The following HTT variants were observed in gnomAD, a reference collection of about 807,000 sequenced individuals.
HTT encodes huntingtin, also known as huntington disease protein.
In HTT, 104 loss-of-function variants were observed where a neutral mutation model predicts 362.3. The ratio of observed to expected loss-of-function variants is 0.29; its 90% confidence interval spans 0.24 to 0.34. The LOEUF is 0.34. Ranked by LOEUF, HTT falls within the 10% of genes least tolerant of loss-of-function variation. The probability of loss-of-function intolerance (pLI) is 1.00; values close to 1 mark genes in which losing one functional copy is unlikely to be tolerated. For missense variants in HTT, 3,301 were observed against 3,928.6 expected (o/e 0.84, Z 4.27); for synonymous variants, 1,577 against 1,548.7 (o/e 1.02, Z -0.43).
At chr4:3,089,356 CT>C (rs1713382554) in intron 2 of HTT, among the ~76,000 whole-genome samples, 1 of 152,136 alleles carries the variant, frequency 6.6e-6, no homozygotes, top group African/African-American at 2.4e-5. Flanking sequence ...CGGGTTCACG[CT>C]ATTCTCCTGC....
intron 2 of HTT, among the ~76,000 whole-genome samples, chr4:3,093,905 G>GTTTTTTTT (rs67455911): frequency 3.8e-4 from 9 of 23,900 alleles, no homozygotes; most frequent in Non-Finnish European, 5.0e-4. Flanking sequence ...CTTTAAGTTG[G>GTTTTTTTT]TTTTTTTTTT....
chr4:3,101,905 T>C (rs1714175815), intron 3 of HTT, among the ~76,000 whole-genome samples: 1 of 152,128 alleles, frequency 6.6e-6, no homozygotes, highest in Middle Eastern at 3.2e-3. Flanking sequence ...AAAGAGTAGA[T>C]TGGAGACCTT....
At chr4:3,127,150 T>C (rs1455014476) in intron 11 of HTT, 114 bp from the exon 12 acceptor site, 5 of 738,404 alleles carry the variant, frequency 6.8e-6, no homozygotes, top group Non-Finnish European at 9.3e-6. Context: ...TTCAGGATGC[T>C]GTGCAGCTGA....
chr4:3,148,164 G>A lies in HTT; in HGVS notation c.3455G>A (p.Cys1152Tyr). 1 of 1,609,576 alleles carries A rather than the reference G, an allele frequency of 6.2e-7. No homozygotes were observed. The highest frequency in any genetic ancestry group is 8.5e-7 in the Non-Finnish European group (1 of 1,177,842). The stretch of plus-strand genomic sequence containing the variant: ...CACCTGCTGAAGGTGATTAACATTT[G>A]TGCCCACGTCCTGGATGACGTGGCT... ...FSHLLKVINI[C>Y]AHVLDDVAPG... The change falls in exon 26 of 67, where the codon TGT becomes TAT. Residue 1152 changes from cysteine (C) to tyrosine (Y), a missense_variant. This residue lies in a region of HTT where 2,316 missense variants were observed against 2,658.5 expected (regional missense o/e 0.87). Coordinates refer to ENST00000355072, the MANE Select transcript of HTT (RefSeq NM_001388492.1).
Position 3,107,397 on chromosome 4 carries a change from A to G in HTT, c.721A>G (p.Asn241Asp). The G allele has an allele frequency of 6.2e-7, 1 of 1,614,202 alleles. No homozygotes were observed. Among genetic ancestry groups the G allele is most frequent in the Non-Finnish European group, 8.5e-7 (1 of 1,180,034 alleles). The change falls in exon 6 of 67, where the codon AAT (asparagine) becomes GAT (aspartate). Residue 241 changes from asparagine (N) to aspartate (D), a missense_variant. This residue lies in a region of HTT where 2,316 missense variants were observed against 2,658.5 expected (regional missense o/e 0.87). Coordinates refer to ENST00000355072, the MANE Select transcript of HTT (RefSeq NM_001388492.1). ...TCCCAAAATTATGGCTTCTTTTGGC[A>G]ATTTTGCAAATGACAATGAAATTAA... Reference protein sequence around the residue: ...AVPKIMASFGNFANDNEIKVL... With the variant: ...AVPKIMASFGDFANDNEIKVL...
chr4:3,224,228 G>A, intron 56 of HTT, 97 bp downstream of exon 56: 3 of 1,328,380 alleles, frequency 2.3e-6, no homozygotes, highest in Admixed American at 1.7e-5. Flanking sequence ...GAAGACCTGA[G>A]TGTGGTCTGA....
At chr4:3,139,570 GA>G (rs1259185742) in intron 21 of HTT, among the ~76,000 whole-genome samples, 3 of 152,230 alleles carry the variant, frequency 2.0e-5, no homozygotes, top group African/African-American at 7.2e-5. Context: ...GACTTTAATT[GA>G]AGATCATGGG....
chr4:3,165,602 G>T (rs1316279828), intron 29 of HTT, among the ~76,000 whole-genome samples: 1 of 151,962 alleles, frequency 6.6e-6, no homozygotes, highest in Non-Finnish European at 1.5e-5. Context: ...TGGAGGCTTG[G>T]TTCATTTCTT....
chr4:3,140,032 A>T (rs1716263150), intron 21 of HTT, among the ~76,000 whole-genome samples: 1 of 152,012 alleles, frequency 6.6e-6, no homozygotes, highest in Non-Finnish European at 1.5e-5. Flanking sequence ...AGGTGGGTGG[A>T]TCACGAGGTC....
intron 2 of HTT, among the ~76,000 whole-genome samples, chr4:3,091,948 C>T (rs991455482): frequency 3.9e-5 from 6 of 152,132 alleles, no homozygotes; most frequent in Non-Finnish European, 8.8e-5. Flanking sequence ...GGTGCAGTGC[C>T]CTTCATCCCA....
At chr4:3,200,185 C>T (rs894860937) in intron 41 of HTT, among the ~76,000 whole-genome samples, 7 of 152,202 alleles carry the variant, frequency 4.6e-5, no homozygotes, top group African/African-American at 1.7e-4. Context: ...TTGGCAGGTT[C>T]TTTGACACCA....
chr4:3,154,530 A>T, intron 27 of HTT, 111 bp downstream of exon 27: 1 of 1,346,412 alleles, frequency 7.4e-7, no homozygotes, highest in South Asian at 1.7e-5. Flanking sequence ...ACACATCAGT[A>T]AAGTGAGAGA....
chr4:3,182,765 G>T (rs1410227233), intron 37 of HTT, among the ~76,000 whole-genome samples: 1 of 152,160 alleles, frequency 6.6e-6, no homozygotes, highest in Non-Finnish European at 1.5e-5. Flanking sequence ...TAACTCTAAA[G>T]CCCGAACCCT....
chr4:3,104,644 G>A (rs1714334879), intron 4 of HTT, among the ~76,000 whole-genome samples: 1 of 151,972 alleles, frequency 6.6e-6, no homozygotes, highest in Admixed American at 6.6e-5. Context: ...GCCGGGTGTG[G>A]TGGCTCACAC....
At chr4:3,221,595 G>C (rs555574582) in intron 53 of HTT, among the ~76,000 whole-genome samples, 2 of 152,128 alleles carry the variant, frequency 1.3e-5, no homozygotes, top group Middle Eastern at 3.4e-3. Context: ...CGTTTATCAC[G>C]GGGACCCCGA....
chr4:3,090,973 G>A, intron 2 of HTT, among the ~76,000 whole-genome samples: 1 of 152,172 alleles, frequency 6.6e-6, no homozygotes, highest in East Asian at 1.9e-4. Flanking sequence ...TTAGCTGGGT[G>A]TGGTGGTGCA....
At chr4:3,238,792 C>T in intron 65 of HTT, 26 bp from the exon 66 acceptor site, 1 of 1,563,188 alleles carries the variant, frequency 6.4e-7, no homozygotes, top group Non-Finnish European at 8.7e-7. Context: ...AGCCCTGACA[C>T]TCAGGCACCT....
chr4:3,212,799 A>G, intron 49 of HTT, 90 bp downstream of exon 49: 1 of 1,370,806 alleles, frequency 7.3e-7, no homozygotes, highest in South Asian at 1.3e-5. Flanking sequence ...TTTGAAAAGC[A>G]AGATCTCTGA....
chr4:3,080,957 C>G (rs775657197), intron 1 of HTT, among the ~76,000 whole-genome samples: 9 of 152,298 alleles, frequency 5.9e-5, no homozygotes, highest in Admixed American at 1.3e-4. Context: ...TTATGTCGAT[C>G]CTGTGCCAGT....
Sources: gnomAD v4.1 joint callset for allele counts (sites outside exome capture counted in the v4.1 genomes callset) on GRCh38, gnomAD v4.1.1 for gene constraint, gnomAD v4.1.1 regional missense constraint, MANE v1.5 for transcripts, NCBI Gene and HGNC (gene_info 2026-07-23, HGNC 2026-07-21) for gene names.